The following GABBR2 variants were observed in gnomAD, a reference collection of about 807,000 sequenced individuals.
GABBR2 encodes the protein gamma-aminobutyric acid type B receptor subunit 2, also known as G-protein coupled receptor 51.
Under a neutral mutation model 105.6 loss-of-function variants are expected in GABBR2, and 23 were observed. The ratio of observed to expected loss-of-function variants is 0.22; its 90% confidence interval spans 0.16 to 0.31. The LOEUF (loss-of-function observed/expected upper bound fraction) is 0.31, where lower values mean the gene tolerates loss of function less well. GABBR2 is among the 10% of genes least tolerant of loss of function. The probability of loss-of-function intolerance (pLI) is 1.00; values close to 1 mark genes in which losing one functional copy is unlikely to be tolerated. For missense variants in GABBR2, 734 were observed against 1,245.5 expected, an observed-to-expected ratio of 0.59 and a Z score of 6.18; for synonymous variants, 478 against 499.7, an observed-to-expected ratio of 0.96 and a Z score of 0.58.
chr9:98,300,251 G>A (rs776630819), intron 16 of GABBR2, among the ~76,000 whole-genome samples: 1 of 151,878 alleles, frequency 6.6e-6, no homozygotes, highest in Non-Finnish European at 1.5e-5. Flanking sequence ...ACACTATCAT[G>A]GAGACTCTGA....
At chr9:98,509,021 G>C (rs1827579306) in intron 3 of GABBR2, among the ~76,000 whole-genome samples, 1 of 152,220 alleles carries the variant, frequency 6.6e-6, no homozygotes, top group African/African-American at 2.4e-5. Flanking sequence ...GCACACCCCA[G>C]TAGGGGCAGA....
chr9:98,473,238 G>A lies in GABBR2; in HGVS notation c.907C>T (p.Leu303Phe). 1 of 1,613,764 alleles carries A rather than the reference G, an allele frequency of 6.2e-7. No homozygotes were observed. Among genetic ancestry groups the A allele is most frequent in the African/African-American group, 1.3e-5 (1 of 74,918 alleles). Residue 303 changes from leucine to phenylalanine, a missense_variant, in exon 6 of 19, where the codon CTC (leucine) becomes TTC (phenylalanine). Leu to Phe is a conservative substitution (Grantham distance 22). Coordinates refer to ENST00000259455, the MANE Select transcript of GABBR2 (RefSeq NM_005458.8). ...VHTEANSSRC[L>F]RKNLLAAMEG... Reference sequence around the variant, plus strand: ...ATGGCAGCAAGCAGATTCTTCCGGAGGCAGCGGGATGAGTTGGCTTCCGTG... The same window carrying A: ...ATGGCAGCAAGCAGATTCTTCCGGAAGCAGCGGGATGAGTTGGCTTCCGTG...
chr9:98,435,913 C>A (rs2131579203), intron 7 of GABBR2, among the ~76,000 whole-genome samples: 1 of 152,154 alleles, frequency 6.6e-6, no homozygotes, highest in South Asian at 2.1e-4. Flanking sequence ...GTTATGGGCA[C>A]CCCTGTAACT....
At chr9:98,425,390 A>G (rs1161931117) in intron 7 of GABBR2, among the ~76,000 whole-genome samples, 1 of 152,170 alleles carries the variant, frequency 6.6e-6, no homozygotes, top group African/African-American at 2.4e-5. Flanking sequence ...GGGGAAACCA[A>G]CCAGAGTTGA....
At chr9:98,620,243 C>T (rs1308602948) in intron 1 of GABBR2, among the ~76,000 whole-genome samples, 1 of 61,602 alleles carries the variant, frequency 1.6e-5, no homozygotes, top group Non-Finnish European at 3.4e-5. Context: ...AATATTTTCT[C>T]TCTTTCTCTC....
chr9:98,448,615 A>C (rs1162584004), intron 7 of GABBR2, among the ~76,000 whole-genome samples: 1 of 152,070 alleles, frequency 6.6e-6, no homozygotes, highest in Non-Finnish European at 1.5e-5. Flanking sequence ...ACAAGGTCTC[A>C]TCATGTTGCC....
At chr9:98,331,151 AGATG>A (rs1831017717) in intron 13 of GABBR2, among the ~76,000 whole-genome samples, 2 of 152,232 alleles carry the variant, frequency 1.3e-5, no homozygotes, top group African/African-American at 2.4e-5. Flanking sequence ...ATTCATCAGC[AGATG>A]AACATTTGGG....
rs370730907 is a variant in GABBR2 at position 98,332,161 on chromosome 9, T to C, written c.1894-20956A>G. On this transcript the variant is annotated intron_variant, in intron 13 of 18. Coordinates refer to ENST00000259455, the MANE Select transcript of GABBR2 (RefSeq NM_005458.8). Reference sequence around the variant, plus strand: ...ATGTGATTCAGAGCTCTCCAGGTGCTCCCCTGCAAAATGGAAACAGAACAC... The same window carrying C: ...ATGTGATTCAGAGCTCTCCAGGTGCCCCCCTGCAAAATGGAAACAGAACAC... 1.2e-4 allele frequency among the ~76,000 whole-genome samples: 19 copies of C among 152,204 alleles called. No homozygotes were observed. In the South Asian group the frequency reaches 3.3e-3, roughly 27 times the overall value.
intron 3 of GABBR2, among the ~76,000 whole-genome samples, chr9:98,524,625 T>G (rs1377270995): frequency 6.6e-6 from 1 of 152,154 alleles, no homozygotes. Flanking sequence ...GATCAAAAAC[T>G]TTGGCGCCAT....
chr9:98,590,400 G>A (rs1163316408), intron 1 of GABBR2, among the ~76,000 whole-genome samples: 10 of 152,154 alleles, frequency 6.6e-5, no homozygotes, highest in Admixed American at 6.5e-4. Flanking sequence ...GAAGATGATG[G>A]AGCCATAGCA....
At chr9:98,313,504 A>G (rs752422755) in intron 13 of GABBR2, among the ~76,000 whole-genome samples, 5 of 152,214 alleles carry the variant, frequency 3.3e-5, no homozygotes, top group Non-Finnish European at 5.9e-5. Flanking sequence ...TTCGAACAAC[A>G]TCAAAATATT....
intron 2 of GABBR2, among the ~76,000 whole-genome samples, chr9:98,572,465 C>A (rs112712274): frequency 0.016 from 2,415 of 152,272 alleles, 53 homozygotes; most frequent in African/African-American, 0.055. Context: ...TACACAAATT[C>A]CATGCAGTTT....
intron 18 of GABBR2, among the ~76,000 whole-genome samples, chr9:98,292,812 A>G (rs1830321734): frequency 1.3e-5 from 2 of 152,154 alleles, no homozygotes. Flanking sequence ...TCATTCAACA[A>G]ATGCTTGTCA....
At chr9:98,681,658 T>C (rs1830549034) in intron 1 of GABBR2, among the ~76,000 whole-genome samples, 1 of 152,158 alleles carries the variant, frequency 6.6e-6, no homozygotes, top group South Asian at 2.1e-4. Flanking sequence ...GACAACTAAA[T>C]GAATAATTAC....
At chr9:98,397,637 C>A (rs1445234564) in intron 8 of GABBR2, among the ~76,000 whole-genome samples, 1 of 152,220 alleles carries the variant, frequency 6.6e-6, no homozygotes, top group Non-Finnish European at 1.5e-5. Context: ...TTCCTGCCAT[C>A]TGTTCCTCAC....
intron 8 of GABBR2, among the ~76,000 whole-genome samples, chr9:98,405,151 A>G (rs940188570): frequency 4.6e-5 from 7 of 152,192 alleles, no homozygotes; most frequent in Non-Finnish European, 1.0e-4. Context: ...AGTCAAAATG[A>G]AAGAAGATTG....
intron 7 of GABBR2, among the ~76,000 whole-genome samples, chr9:98,424,570 T>C (rs1386768203): frequency 6.6e-6 from 1 of 151,918 alleles, no homozygotes; most frequent in Non-Finnish European, 1.5e-5. Context: ...CATGATTGTA[T>C]ATCTAGAAAA....
intron 2 of GABBR2, among the ~76,000 whole-genome samples, chr9:98,551,151 C>T (rs1025059275): frequency 1.3e-5 from 2 of 152,076 alleles, no homozygotes; most frequent in Non-Finnish European, 2.9e-5. Flanking sequence ...GCCTGTAATC[C>T]CAGCACTTTG....
intron 1 of GABBR2, among the ~76,000 whole-genome samples, chr9:98,684,598 G>A (rs1236906906): frequency 6.6e-6 from 1 of 152,144 alleles, no homozygotes; most frequent in Non-Finnish European, 1.5e-5. Flanking sequence ...AACTGCTCAT[G>A]ATACCCAATG....
Sources: gnomAD v4.1 joint callset for allele counts (sites outside exome capture counted in the v4.1 genomes callset) on GRCh38, gnomAD v4.1.1 for gene constraint, MANE v1.5 for transcripts, NCBI Gene and HGNC (gene_info 2026-07-23, HGNC 2026-07-21) for gene names.